Variants in FSTL4 observed in about 807,000 individuals in gnomAD.
The protein encoded by FSTL4 is follistatin-related protein 4.
A neutral mutation model predicts 78.2 loss-of-function variants in FSTL4; 28 were observed. The observed-to-expected ratio is 0.36, with a 90% CI of 0.27 to 0.49. The LOEUF (loss-of-function observed/expected upper bound fraction) is 0.49, where lower values mean the gene tolerates loss of function less well. FSTL4 is among the 20% of genes least tolerant of loss of function. FSTL4 has a pLI of 0.98. For synonymous variants in FSTL4, 422 were observed against 440.5 expected (o/e 0.96, Z 0.53); for missense variants, 922 against 1,084.9 (o/e 0.85, Z 2.11).
the FSTL4 span, among the ~76,000 whole-genome samples, chr5:133,631,039 A>G: frequency 1.3e-5 from 2 of 152,200 alleles, no homozygotes; most frequent in African/African-American, 4.8e-5. Context: ...AAAACCATTA[A>G]AAACCCTAGA....
chr5:133,228,003 G>A (rs890610415), intron 8 of FSTL4, among the ~76,000 whole-genome samples: 9 of 152,212 alleles, frequency 5.9e-5, no homozygotes, highest in African/African-American at 9.7e-5. Flanking sequence ...GAGGTGGGCA[G>A]ATCCCTTGAG....
chr5:133,815,542 G>A, the FSTL4 span, among the ~76,000 whole-genome samples: 1 of 152,228 alleles, frequency 6.6e-6, no homozygotes, highest in Non-Finnish European at 1.5e-5. Context: ...ATGTGGCACA[G>A]TGGTAAGGGT....
chr5:133,789,639 C>T, the FSTL4 span, among the ~76,000 whole-genome samples: 1 of 152,202 alleles, frequency 6.6e-6, no homozygotes, highest in Non-Finnish European at 1.5e-5. Context: ...AACAAAGTAC[C>T]ACCGACTGGG....
chr5:133,385,398 C>T (rs891627801), intron 4 of FSTL4, among the ~76,000 whole-genome samples: 1 of 152,192 alleles, frequency 6.6e-6, no homozygotes, highest in African/African-American at 2.4e-5. Flanking sequence ...GAGCACATGC[C>T]GGTACCACTC....
chr5:133,613,127 A>G (rs1761139411), upstream of FSTL4, among the ~76,000 whole-genome samples: 1 of 152,204 alleles, frequency 6.6e-6, no homozygotes, highest in Admixed American at 6.5e-5. Flanking sequence ...TCTCCCTTAG[A>G]ACAGGATATT....
intron 3 of FSTL4, among the ~76,000 whole-genome samples, chr5:133,558,258 T>A (rs1206090505): frequency 1.3e-5 from 2 of 151,976 alleles, no homozygotes; most frequent in Non-Finnish European, 2.9e-5. Context: ...TCCAGAGGAG[T>A]CATTTCTCCA....
intron 12 of FSTL4, among the ~76,000 whole-genome samples, chr5:133,219,477 T>A (rs1241462896): frequency 3.5e-4 from 53 of 152,356 alleles, no homozygotes; most frequent in Non-Finnish European, 5.7e-4. Flanking sequence ...GCTATGCCTT[T>A]ATCTGTGACA....
chr5:133,823,768 G>A, the FSTL4 span, among the ~76,000 whole-genome samples: 2 of 152,282 alleles, frequency 1.3e-5, no homozygotes, highest in South Asian at 4.1e-4. Context: ...ACCAAGGTCA[G>A]CATACCCTGG....
At chr5:133,581,432 G>T (rs1325253787) in intron 2 of FSTL4, among the ~76,000 whole-genome samples, 1 of 152,238 alleles carries the variant, frequency 6.6e-6, no homozygotes. Flanking sequence ...AAGGAATGAG[G>T]GAGCATGCAG....
the FSTL4 span, among the ~76,000 whole-genome samples, chr5:133,657,180 A>AC: frequency 4.0e-5 from 6 of 151,892 alleles, no homozygotes; most frequent in African/African-American, 1.5e-4. Context: ...CTGTGCTGTA[A>AC]CCCCTCCCAC....
At chr5:133,431,451 T>C (rs1756936450) in intron 3 of FSTL4, among the ~76,000 whole-genome samples, 1 of 152,202 alleles carries the variant, frequency 6.6e-6, no homozygotes, top group Admixed American at 6.5e-5. Flanking sequence ...TGAGCCACCA[T>C]GTAGGAGATC....
At chr5:133,450,836 G>A (rs1400524650) in intron 3 of FSTL4, among the ~76,000 whole-genome samples, 1 of 152,172 alleles carries the variant, frequency 6.6e-6, no homozygotes, top group African/African-American at 2.4e-5. Context: ...ACAGAGGAGG[G>A]GAGATCAGGG....
intron 3 of FSTL4, among the ~76,000 whole-genome samples, chr5:133,521,839 T>C (rs1001269550): frequency 3.3e-5 from 5 of 152,198 alleles, no homozygotes; most frequent in African/African-American, 7.2e-5. Context: ...AGAAAGCCGC[T>C]AGATGTTTTC....
At chr5:133,269,408 G>A (rs1752718723) in intron 6 of FSTL4, among the ~76,000 whole-genome samples, 1 of 152,166 alleles carries the variant, frequency 6.6e-6, no homozygotes, top group South Asian at 2.1e-4. Flanking sequence ...GGATAAGAGA[G>A]CAGTGGGATT....
At chr5:133,246,765 A>G (rs919231839) in intron 7 of FSTL4, 1 of 152,228 alleles carries the variant, frequency 6.6e-6, no homozygotes, top group Non-Finnish European at 1.5e-5. Flanking sequence ...AATATTATTT[A>G]GCAGCAGCAG....
chr5:133,529,263 C>G (rs781415485), intron 3 of FSTL4, among the ~76,000 whole-genome samples: 3 of 152,188 alleles, frequency 2.0e-5, no homozygotes, highest in Non-Finnish European at 4.4e-5. Context: ...AAATGACTTG[C>G]CCAAAATATT....
At chr5:133,807,040 C>A in the FSTL4 span, among the ~76,000 whole-genome samples, 43 of 152,268 alleles carry the variant, frequency 2.8e-4, no homozygotes, top group Non-Finnish European at 5.6e-4. Context: ...GCATAAGTTT[C>A]ATGGATATTC....
intron 3 of FSTL4, among the ~76,000 whole-genome samples, chr5:133,522,340 C>T (rs577342681): frequency 6.6e-6 from 1 of 152,322 alleles, no homozygotes; most frequent in East Asian, 1.9e-4. Flanking sequence ...AAATATTAAA[C>T]AGTTGGTCAG....
chr5:133,268,776 ATC>A (rs901331568), intron 6 of FSTL4, among the ~76,000 whole-genome samples: 16 of 152,224 alleles, frequency 1.1e-4, no homozygotes, highest in African/African-American at 3.4e-4. Context: ...GTGCAAAGAT[ATC>A]TGTGACCAAC....
Sources: allele counts gnomAD v4.1 joint callset (sites outside exome capture counted in the v4.1 genomes callset), GRCh38; gene constraint gnomAD v4.1.1; transcripts MANE v1.5; gene names NCBI Gene and HGNC (gene_info 2026-07-23, HGNC 2026-07-21).